The following PHF7 variants were observed in gnomAD, a reference collection of about 807,000 sequenced individuals.
The protein encoded by PHF7 is PHD finger protein 7, also known as E3 ubiquitin-protein ligase PHF7.
PHF7 carries 24 observed loss-of-function variants against 47.5 expected under a neutral mutation model. That is an observed-to-expected ratio of 0.51 (90% confidence interval 0.37 to 0.71). The LOEUF (loss-of-function observed/expected upper bound fraction) is 0.71. Ranked by LOEUF, PHF7 falls within the 30% of genes least tolerant of loss-of-function variation. The probability of loss-of-function intolerance (pLI) is 0.00; values close to 1 mark genes in which losing one functional copy is unlikely to be tolerated. For synonymous variants in PHF7, 156 were observed against 153.8 expected, an observed-to-expected ratio of 1.01 and a Z score of -0.11; for missense variants, 361 against 456.8, an observed-to-expected ratio of 0.79 and a Z score of 1.91.
At position 52,419,741 on chromosome 3, in the gene PHF7, T is replaced by C. The variant is rs550414555; in HGVS notation, c.187-92T>C. ...CCACCACACCCGGCCCAAGCTCTAT[T>C]CTTTAGCTCTCTTACCCTGTCCTTC... On this transcript the variant is annotated intron_variant, in intron 4 of 10. Coordinates refer to ENST00000327906, the MANE Select transcript of PHF7 (RefSeq NM_016483.7). The C allele has an allele frequency of 4.3e-5, 34 of 796,226 alleles. No homozygotes were observed. The South Asian group carries it at 4.8e-4, about 11-fold the overall frequency. 49.3% of individuals were successfully genotyped at this position (796,226 alleles called of 1,614,324 possible).
chr3:52,411,293 G>A (rs1336418438), intron 1 of PHF7, 46 bp downstream of exon 1: 1 of 152,276 alleles, frequency 6.6e-6, no homozygotes, highest in Non-Finnish European at 1.5e-5. Context: ...CAGTAACTGG[G>A]AACTGCTCCG....
At chr3:52,421,084 G>T in intron 7 of PHF7, 22 bp downstream of exon 7, 3 of 1,583,206 alleles carry the variant, frequency 1.9e-6, no homozygotes, top group Non-Finnish European at 2.6e-6. Context: ...TCCGCCCTGG[G>T]TCCCTTCCAC....
rs1705776710 is a variant in PHF7 at position 52,421,129 on chromosome 3, C to A, written c.573+67C>A. On this transcript the variant is annotated intron_variant, in intron 7 of 10. Coordinates refer to ENST00000327906, the MANE Select transcript of PHF7 (RefSeq NM_016483.7). ...AGTTCTCTGCCTGGAACCAGAGAACCCTGGGAATGCTCAGGTGTGCCTCAG... is the reference window on the plus strand; with the variant it reads ...AGTTCTCTGCCTGGAACCAGAGAACACTGGGAATGCTCAGGTGTGCCTCAG... 5 of 1,387,568 alleles carry A rather than the reference C, an allele frequency of 3.6e-6. No homozygotes were observed. In the Admixed American group the frequency reaches 1.1e-4, roughly 29 times the overall value. The allele number at this position is 1,387,568 out of a possible 1,614,324, so 86.0% of individuals were successfully genotyped here.
Position 52,413,374 on chromosome 3 carries a change from C to G in PHF7, c.41+454C>G, listed in dbSNP as rs1392405730. ...GTATGCTTTGTAAAGGTGGTACCAC[C>G]TGAGATTCAGAGTAGTTGGCAGAAG... On this transcript the variant is annotated intron_variant, in intron 2 of 10. Transcript: ENST00000327906. Among the ~76,000 whole-genome samples, 3 of 152,130 alleles carry G rather than the reference C, an allele frequency of 2.0e-5. No homozygotes were observed. The East Asian group carries it at 5.8e-4, about 29-fold the overall frequency.
At chr3:52,416,561 A>G (rs1705632320) in intron 4 of PHF7, among the ~76,000 whole-genome samples, 1 of 150,364 alleles carries the variant, frequency 6.7e-6, no homozygotes, top group Non-Finnish European at 1.5e-5. Context: ...GTGGTCGGGC[A>G]CAGTGGCTCA....
intron 7 of PHF7, 103 bp downstream of exon 7, chr3:52,421,165 C>G: frequency 9.3e-7 from 1 of 1,075,674 alleles, no homozygotes; most frequent in South Asian, 1.6e-5. Flanking sequence ...CTTTGGTGCT[C>G]CATGCTGGAG....
intron 4 of PHF7, among the ~76,000 whole-genome samples, chr3:52,417,814 T>C (rs1705668570): frequency 6.6e-6 from 1 of 152,216 alleles, no homozygotes; most frequent in Non-Finnish European, 1.5e-5. Context: ...TAACCTAACA[T>C]TGAATAGAAG....
intron 1 of PHF7, among the ~76,000 whole-genome samples, chr3:52,411,707 G>A (rs1705444005): frequency 6.6e-6 from 1 of 152,180 alleles, no homozygotes; most frequent in South Asian, 2.1e-4. Context: ...TTTCGTTCCC[G>A]TTCACTTTCA....
chr3:52,417,362 A>C (rs1190258296), intron 4 of PHF7, among the ~76,000 whole-genome samples: 1 of 152,194 alleles, frequency 6.6e-6, no homozygotes, highest in East Asian at 1.9e-4. Context: ...GATTGCATTG[A>C]ATTTATAGGT....
At chr3:52,415,640 ATCT>A (rs1268339644) in intron 4 of PHF7, among the ~76,000 whole-genome samples, 1 of 152,168 alleles carries the variant, frequency 6.6e-6, no homozygotes, top group African/African-American at 2.4e-5. Context: ...ATAGTTTATA[ATCT>A]TCTGTATCTG....
At chr3:52,413,943 T>G in intron 2 of PHF7, 53 bp from the exon 3 acceptor site, 1 of 1,223,908 alleles carries the variant, frequency 8.2e-7, no homozygotes, top group Non-Finnish European at 1.2e-6. Flanking sequence ...GTTAAAAAGG[T>G]TATCAACAAG....
intron 4 of PHF7, among the ~76,000 whole-genome samples, chr3:52,416,417 C>A (rs1040791712): frequency 6.6e-6 from 1 of 151,146 alleles, no homozygotes; most frequent in Non-Finnish European, 1.5e-5. Flanking sequence ...ATCTCTTGAC[C>A]TCGTGATCTG....
At position 52,412,831 on chromosome 3, in the gene PHF7, C is replaced by T. The variant is rs771931002; in HGVS notation, c.-49C>T. On this transcript the variant is annotated 5_prime_UTR_variant, in exon 2 of 11. Transcript: ENST00000327906. ...TATAGCTGGAAGAGCCTGTATTGTC[C>T]TCACAATAGTATAGAAGAATTCAAG... 4.4e-5 allele frequency: 63 copies of T among 1,428,820 alleles called. No individual in the cohort carries two copies. The highest frequency in any genetic ancestry group is 5.5e-5 in the Non-Finnish European group (56 of 1,014,884). 88.5% of individuals were successfully genotyped at this position (1,428,820 alleles called of 1,614,324 possible).
At chr3:52,412,781 T>C (rs1705491706) in intron 1 of PHF7, 30 bp from the exon 2 acceptor site, 1 of 991,730 alleles carries the variant, frequency 1.0e-6, no homozygotes, top group South Asian at 1.4e-5. Flanking sequence ...CAGAATTAAA[T>C]TGCTTACCAA....
At chr3:52,416,101 A>G (rs1705615283) in intron 4 of PHF7, among the ~76,000 whole-genome samples, 2 of 150,076 alleles carry the variant, frequency 1.3e-5, no homozygotes, top group African/African-American at 4.9e-5. Context: ...TTGGTATTTC[A>G]TTGTCGTTTT....
chr3:52,423,386 G>A lies in PHF7; in HGVS notation c.*69G>A. ...TGCGCTCCTCCATCGGGTTTGGGGA[G>A]GGAGCACTCTGGGACTGTGAGACAA... On this transcript the variant is annotated 3_prime_UTR_variant, in exon 11 of 11. Transcript: ENST00000327906. The A allele has an allele frequency of 1.0e-6, 1 of 997,222 alleles. No homozygotes were observed. Among genetic ancestry groups the A allele is most frequent in the Non-Finnish European group, 1.5e-6 (1 of 648,110 alleles). 61.8% of individuals were successfully genotyped at this position (997,222 alleles called of 1,614,324 possible). A position where few individuals can be genotyped will look rare whatever the true frequency, so the allele number is the denominator to read the frequency against.
intron 3 of PHF7, 96 bp from the exon 4 acceptor site, chr3:52,414,397 TCTA>T (rs1705557295): frequency 1.3e-6 from 1 of 754,922 alleles, no homozygotes. Flanking sequence ...TTCCTAGTAT[TCTA>T]CTCCTTCCTG....
intron 2 of PHF7, 107 bp downstream of exon 2, chr3:52,413,027 A>G (rs1241568791): frequency 1.3e-5 from 11 of 829,842 alleles, no homozygotes; most frequent in African/African-American, 5.1e-5. Flanking sequence ...GAGGTTGGAC[A>G]GTGTGGAAGC....
chr3:52,417,038 A>G (rs763452918), intron 4 of PHF7, among the ~76,000 whole-genome samples: 41 of 151,802 alleles, frequency 2.7e-4, no homozygotes, highest in Non-Finnish European at 5.3e-4. Context: ...TTTTTCTTTT[A>G]TGGTCAGTGC....
Sources: gnomAD v4.1 joint callset for allele counts (sites outside exome capture counted in the v4.1 genomes callset) on GRCh38, gnomAD v4.1.1 for gene constraint, MANE v1.5 for transcripts, NCBI Gene and HGNC (gene_info 2026-07-23, HGNC 2026-07-21) for gene names.